Variants in FILIP1L observed in about 807,000 individuals in gnomAD.
The protein encoded by FILIP1L is filamin A interacting protein 1 like.
Under a neutral mutation model 96.6 loss-of-function variants are expected in FILIP1L, and 55 were observed. The observed-to-expected ratio is 0.57, with a 90% CI of 0.46 to 0.71. FILIP1L has a LOEUF of 0.71. FILIP1L is among the 30% of genes least tolerant of loss of function. The pLI is 0.00. For missense variants in FILIP1L, 1,304 were observed against 1,321.2 expected (o/e 0.99, Z 0.20); for synonymous variants, 467 against 473.9 (o/e 0.99, Z 0.19).
intron 4 of FILIP1L, among the ~76,000 whole-genome samples, chr3:99,905,966 G>C (rs1352593621): frequency 6.6e-6 from 1 of 152,196 alleles, no homozygotes; most frequent in African/African-American, 2.4e-5. Context: ...GCTGAGGCAG[G>C]CAGATCACTT....
At chr3:99,873,622 T>A (rs757184397) in intron 4 of FILIP1L, among the ~76,000 whole-genome samples, 12 of 152,222 alleles carry the variant, frequency 7.9e-5, no homozygotes, top group Non-Finnish European at 1.5e-4. Flanking sequence ...CATTTTCAGT[T>A]TTTTTTCTTA....
intron 1 of FILIP1L, chr3:100,010,235 C>T: frequency 3.6e-6 from 2 of 558,426 alleles, no homozygotes; most frequent in Non-Finnish European, 4.5e-6. Flanking sequence ...TGTGATTTCT[C>T]AGTATGTTTT....
chr3:99,935,184 A>T (rs1214014465), intron 1 of FILIP1L, among the ~76,000 whole-genome samples: 2 of 151,940 alleles, frequency 1.3e-5, no homozygotes, highest in African/African-American at 4.8e-5. Context: ...TTTTTAATGC[A>T]TCTGTGCTTG....
intron 4 of FILIP1L, among the ~76,000 whole-genome samples, chr3:99,889,247 T>C (rs2107612310): frequency 6.6e-6 from 1 of 152,268 alleles, no homozygotes; most frequent in Non-Finnish European, 1.5e-5. Flanking sequence ...TCCTTGTGTT[T>C]CTGGCAATTC....
chr3:100,114,228 C>T lies in FILIP1L; in HGVS notation c.-186G>A, dbSNP rs1196358202. 1.3e-5 allele frequency: 2 copies of T among 151,844 alleles called. No individual in the cohort carries two copies. The highest frequency in any genetic ancestry group is 2.9e-5 in the Non-Finnish European group (2 of 68,016). 9.4% of individuals were successfully genotyped at this position (151,844 alleles called of 1,614,324 possible). A position where few individuals can be genotyped will look rare whatever the true frequency, so the allele number is the denominator to read the frequency against. On this transcript the variant is annotated 5_prime_UTR_variant, in exon 1 of 6. Coordinates refer to ENST00000477258, the MANE Select transcript of FILIP1L (RefSeq NM_001387850.1). ...CCACCGAGAGTTTGCAACCAGGGGCCAGTGATAGCTCTGCAAAGGAGAGGC... is the reference window on the plus strand; with the variant it reads ...CCACCGAGAGTTTGCAACCAGGGGCTAGTGATAGCTCTGCAAAGGAGAGGC...
intron 4 of FILIP1L, among the ~76,000 whole-genome samples, chr3:99,880,134 A>G (rs1705673915): frequency 6.6e-6 from 1 of 152,178 alleles, no homozygotes; most frequent in African/African-American, 2.4e-5. Flanking sequence ...CCTGTAGGCA[A>G]CTGTGAATGT....
In FILIP1L at chr3:99,870,298, G is replaced by A. The variant is rs116727418; in HGVS notation, c.606-19228C>T. Among the ~76,000 whole-genome samples, 141 of 152,280 alleles carry A rather than the reference G, an allele frequency of 9.3e-4. 3 individuals carry two copies. Among genetic ancestry groups the A allele is most frequent in the Admixed American group, 2.6e-4 (4 of 15,298 alleles). On this transcript the variant is annotated intron_variant, in intron 4 of 5. Transcript: ENST00000477258. Reference sequence around the variant, plus strand: ...TTATTCTTACTCTTTTAGTCTCACCGTTGAGACACTAACATTTATCCCTGT... The same window carrying A: ...TTATTCTTACTCTTTTAGTCTCACCATTGAGACACTAACATTTATCCCTGT...
At chr3:100,035,338 A>G (rs1255631033) in intron 1 of FILIP1L, among the ~76,000 whole-genome samples, 3 of 152,166 alleles carry the variant, frequency 2.0e-5, no homozygotes, top group South Asian at 2.1e-4. Context: ...CAATGGCACA[A>G]TCTTGGCTCA....
intron 4 of FILIP1L, among the ~76,000 whole-genome samples, chr3:99,852,738 C>T (rs972680479): frequency 3.3e-5 from 5 of 152,120 alleles, no homozygotes; most frequent in Non-Finnish European, 5.9e-5. Flanking sequence ...GCCACCGTGC[C>T]GGCTGAGAGA....
At chr3:100,015,840 C>T (rs1367147837) in intron 1 of FILIP1L, among the ~76,000 whole-genome samples, 2 of 152,178 alleles carry the variant, frequency 1.3e-5, no homozygotes, top group African/African-American at 4.8e-5. Context: ...ATCTCTATCA[C>T]ATATGATCAT....
intron 1 of FILIP1L, among the ~76,000 whole-genome samples, chr3:99,958,202 G>GCAT (rs1239601454): frequency 1.6e-5 from 2 of 123,680 alleles, no homozygotes; most frequent in East Asian, 2.3e-4. Flanking sequence ...AGCCCTGCAT[G>GCAT]CATTATTATT....
chr3:99,929,560 G>C (rs1707407783), intron 3 of FILIP1L, among the ~76,000 whole-genome samples: 1 of 151,888 alleles, frequency 6.6e-6, no homozygotes, highest in Admixed American at 6.6e-5. Flanking sequence ...GTATGTGTGT[G>C]CATGTGTGTG....
chr3:99,906,710 T>C (rs1017843682), intron 4 of FILIP1L, among the ~76,000 whole-genome samples: 20 of 152,342 alleles, frequency 1.3e-4, no homozygotes, highest in Non-Finnish European at 2.1e-4. Flanking sequence ...CCTGGGTATA[T>C]GGCTGCCCAA....
At chr3:99,948,831 T>C (rs527730975) in intron 1 of FILIP1L, among the ~76,000 whole-genome samples, 20 of 152,108 alleles carry the variant, frequency 1.3e-4, no homozygotes, top group Admixed American at 2.0e-4. Flanking sequence ...TAAGACATCA[T>C]CAGGGTTGGA....
intron 4 of FILIP1L, among the ~76,000 whole-genome samples, chr3:99,871,675 G>A (rs1162975194): frequency 3.3e-5 from 5 of 152,160 alleles, no homozygotes; most frequent in South Asian, 4.2e-4. Flanking sequence ...TGCTAGCTGC[G>A]GACGTCTGAG....
intron 1 of FILIP1L, among the ~76,000 whole-genome samples, chr3:100,025,250 A>G (rs2064897401): frequency 6.6e-6 from 1 of 152,102 alleles, no homozygotes; most frequent in African/African-American, 2.4e-5. Flanking sequence ...GTTTGTGGCT[A>G]TTTTTGTTGG....
intron 4 of FILIP1L, among the ~76,000 whole-genome samples, chr3:99,869,883 C>G (rs1944703918): frequency 2.0e-5 from 3 of 152,174 alleles, no homozygotes; most frequent in Admixed American, 2.0e-4. Context: ...TCTGTCAGGG[C>G]AGCCCATCTT....
intron 1 of FILIP1L, among the ~76,000 whole-genome samples, chr3:100,071,541 G>A (rs945350116): frequency 3.0e-4 from 46 of 152,182 alleles, no homozygotes; most frequent in African/African-American, 1.1e-3. Flanking sequence ...GTACAGAATA[G>A]CCCAAGGGTG....
chr3:99,844,159 A>G (rs1250256694), intron 5 of FILIP1L, among the ~76,000 whole-genome samples: 1 of 152,150 alleles, frequency 6.6e-6, no homozygotes, highest in Admixed American at 6.5e-5. Context: ...CTTACAGCAT[A>G]TTGCTAGCCC....
Sources: allele counts gnomAD v4.1 joint callset (sites outside exome capture counted in the v4.1 genomes callset), GRCh38; gene constraint gnomAD v4.1.1; transcripts MANE v1.5; gene names NCBI Gene and HGNC (gene_info 2026-07-23, HGNC 2026-07-21).